The following RLBP1 variants were observed in gnomAD, a reference collection of about 807,000 sequenced individuals.
RLBP1 encodes retinaldehyde binding protein 1.
In RLBP1, 26 loss-of-function variants were observed where a neutral mutation model predicts 36.2. The ratio of observed to expected loss-of-function variants is 0.72; its 90% CI spans 0.53 to 1.00. RLBP1 has a LOEUF of 1.00. RLBP1 is among the 50% of genes least tolerant of loss of function. RLBP1 has a pLI of 0.00. For synonymous variants in RLBP1, 155 were observed against 156.2 expected, an observed-to-expected ratio of 0.99 and a Z score of 0.06; for missense variants, 410 against 402.4, an observed-to-expected ratio of 1.02 and a Z score of -0.16.
chr15:89,217,006 A>G, intron 5 of RLBP1, 114 bp downstream of exon 5: 2 of 1,105,200 alleles, frequency 1.8e-6, no homozygotes, highest in Non-Finnish European at 2.7e-6. Context: ...AGGCTCAGAG[A>G]AACTGACTTG....
At position 89,218,801 on chromosome 15, in the gene RLBP1, G is replaced by C; in HGVS notation, c.13-108C>G. On this transcript the variant is annotated intron_variant, in intron 3 of 8. Transcript: ENST00000268125. The surrounding 1 kb of genome is among the most constrained non-coding windows in gnomAD (Gnocchi z 4.6). ...TTCTTTTGCCCAAGGTCATTGTTAA[G>C]CCTCCTCCTTTTGTGGGGTCAGGAC... The C allele has an allele frequency of 6.4e-7, 1 of 1,573,752 alleles. No homozygotes were observed. Among genetic ancestry groups the C allele is most frequent in the Non-Finnish European group, 8.7e-7 (1 of 1,152,862 alleles).
chr15:89,213,512 A>G (rs2051555064), intron 6 of RLBP1, among the ~76,000 whole-genome samples: 1 of 152,214 alleles, frequency 6.6e-6, no homozygotes, highest in African/African-American at 2.4e-5. Context: ...AAAGAGCCCC[A>G]TTTTTAGCAA....
At chr15:89,221,455 G>C (rs1023927075) in intron 1 of RLBP1, 80 bp downstream of exon 1, 2 of 150,316 alleles carry the variant, frequency 1.3e-5, no homozygotes, top group African/African-American at 5.0e-5. Flanking sequence ...GGCATCTTGG[G>C]ACGTGGTCTC....
rs371425137 is a variant in RLBP1 at position 89,214,939 on chromosome 15, C to T, written c.525+121G>A. On this transcript the variant is annotated intron_variant, in intron 6 of 8. Transcript: ENST00000268125. This position sits in a 1 kb window ranked among gnomAD's most constrained non-coding sequence, Gnocchi z 4.6. ...AAAGGGCTAGGTGGCAGGTGGCTGC[C>T]CACCTTTCCCCCTCTACAGACCTTG... 1.1e-4 allele frequency: 114 copies of T among 1,066,848 alleles called. 1 individual carries two copies. In the African/African-American group the frequency reaches 1.5e-3, roughly 14 times the overall value. 66.1% of individuals were successfully genotyped at this position (1,066,848 alleles called of 1,614,324 possible).
rs1353751732 is a variant in RLBP1, at chr15:89,210,086, T to G, written c.*199A>C. The stretch of plus-strand genomic sequence containing the variant: ...GTGGAAATATAACTATCCCCAGTTC[T>G]TCTTGTTCAAGGGAATTCCCCCTCC... On this transcript the variant is annotated 3_prime_UTR_variant, in exon 9 of 9. Transcript: ENST00000268125. The surrounding 1 kb of genome is among the most constrained non-coding windows in gnomAD (Gnocchi z 4.7). 4 of 619,102 alleles carry G rather than the reference T, an allele frequency of 6.5e-6. No individual in the cohort carries two copies. Among genetic ancestry groups the G allele is most frequent in the African/African-American group, 5.5e-5 (3 of 54,620 alleles). The allele number at this position is 619,102 out of a possible 1,614,324, so 38.4% of individuals were successfully genotyped here. A position where few individuals can be genotyped will look rare whatever the true frequency, so the allele number is the denominator to read the frequency against.
At position 89,217,337 on chromosome 15, in the gene RLBP1, G is replaced by C. The variant is rs777162679; in HGVS notation, c.142-13C>G. ...GCTCATCCTTGGCCTAGAACAGGGT[G>C]GGGTGTGCATGAAGTTAAACTTAGG... On this transcript the variant is annotated splice_polypyrimidine_tract_variant and intron_variant, in intron 4 of 8. Transcript: ENST00000268125. 4 of 1,602,358 alleles carry C rather than the reference G, an allele frequency of 2.5e-6. No homozygotes were observed. Among genetic ancestry groups the C allele is most frequent in the South Asian group, 2.2e-5 (2 of 91,080 alleles).
intron 5 of RLBP1, among the ~76,000 whole-genome samples, chr15:89,215,765 C>T (rs1315340126): frequency 6.6e-6 from 1 of 152,196 alleles, no homozygotes; most frequent in Non-Finnish European, 1.5e-5. Flanking sequence ...GTGGCCTGCA[C>T]CACCAAATTT....
Position 89,217,307 on chromosome 15 carries a change from G to A in RLBP1, c.159C>T (p.Asn53=), listed in dbSNP as rs1173055601. Residue 53 remains asparagine (N), a synonymous_variant, in exon 5 of 9, where the codon AAC becomes AAT. Transcript: ENST00000268125. ...HTLQKAKDEL[N]EREETREEAV... Reference sequence around the variant, plus strand: ...CCTCCTCCCGGGTCTCCTCTCTCTCGTTCAGCTCATCCTTGGCCTAGAACA... The same window carrying A: ...CCTCCTCCCGGGTCTCCTCTCTCTCATTCAGCTCATCCTTGGCCTAGAACA... The A allele has an allele frequency of 1.9e-6, 3 of 1,606,360 alleles. No homozygotes were observed. Among genetic ancestry groups the A allele is most frequent in the Non-Finnish European group, 2.5e-6 (3 of 1,179,986 alleles).
rs1158314872 is a variant in RLBP1 at position 89,219,826 on chromosome 15, G to A, written c.-190C>T. On this transcript the variant is annotated 5_prime_UTR_variant, in exon 2 of 9. Transcript: ENST00000268125. Reference sequence around the variant, plus strand: ...TTCAAGTTCTTCTCTTCCACTTGCAGGCTGTGAGATTTAACCCCAGTCTTG... The same window carrying A: ...TTCAAGTTCTTCTCTTCCACTTGCAAGCTGTGAGATTTAACCCCAGTCTTG... 5 of 152,330 alleles carry A rather than the reference G, an allele frequency of 3.3e-5. No homozygotes were observed. The allele number at this position is 152,330 out of a possible 1,614,324, so 9.4% of individuals were successfully genotyped here.
Position 89,218,796 on chromosome 15 carries a change from G to T in RLBP1, c.13-103C>A. ...TTCAGTTCTTTTGCCCAAGGTCATTGTTAAGCCTCCTCCTTTTGTGGGGTC... is the reference window on the plus strand; with the variant it reads ...TTCAGTTCTTTTGCCCAAGGTCATTTTTAAGCCTCCTCCTTTTGTGGGGTC... On this transcript the variant is annotated intron_variant, in intron 3 of 8. Coordinates refer to ENST00000268125, the MANE Select transcript of RLBP1 (RefSeq NM_000326.5). This position sits in a 1 kb window ranked among gnomAD's most constrained non-coding sequence, Gnocchi z 4.6. 5.1e-6 allele frequency: 8 copies of T among 1,580,788 alleles called. No homozygotes were observed. Among genetic ancestry groups the T allele is most frequent in the Non-Finnish European group, 6.9e-6 (8 of 1,158,506 alleles).
In RLBP1 at chr15:89,210,382, G is replaced by A; in HGVS notation, c.857C>T (p.Pro286Leu). 2 of 1,614,226 alleles carry A rather than the reference G, an allele frequency of 1.2e-6. No homozygotes were observed. Among genetic ancestry groups the A allele is most frequent in the East Asian group, 2.2e-5 (1 of 44,880 alleles). ...GGGCAGCGTGCCCCCGAAGTCAGAG[G>A]GCAGGATGTTCTCATCGATCTCCTG... The part of the protein sequence containing the change: ...FYQEIDENIL[P>L]SDFGGTLPKY... The change falls in exon 9 of 9, where the codon CCC becomes CTC. Residue 286 changes from proline to leucine, a missense_variant. Transcript: ENST00000268125. This position sits in a 1 kb window ranked among gnomAD's most constrained non-coding sequence, Gnocchi z 4.7.
rs143121722 is a variant in RLBP1 at position 89,217,162 on chromosome 15, C to G, written c.304G>C (p.Ala102Pro). 12 of 1,614,086 alleles carry G rather than the reference C, an allele frequency of 7.4e-6. No homozygotes were observed. The highest frequency in any genetic ancestry group is 1.0e-5 in the Non-Finnish European group (12 of 1,180,034). ...DSGFFLRFIRARKFNVGRAYE... is the reference protein window; with the variant it reads ...DSGFFLRFIRPRKFNVGRAYE... Reference sequence around the variant, plus strand: ...GCACGGCCCACGTTGAACTTCCGTGCGCGGATGAAGCGCAGGAAGAAGCCG... The same window carrying G: ...GCACGGCCCACGTTGAACTTCCGTGGGCGGATGAAGCGCAGGAAGAAGCCG... Residue 102 changes from alanine to proline, a missense_variant, in exon 5 of 9, where the codon GCA becomes CCA. Physicochemically the swap from Ala to Pro is conservative, Grantham distance 27. Transcript: ENST00000268125.
chr15:89,217,741 A>G (rs913571819), intron 4 of RLBP1, among the ~76,000 whole-genome samples: 1 of 152,190 alleles, frequency 6.6e-6, no homozygotes, highest in African/African-American at 2.4e-5. Context: ...CCAGAGAGAA[A>G]GGAGTGGAGC....
intron 1 of RLBP1, among the ~76,000 whole-genome samples, chr15:89,220,921 G>A (rs2051621056): frequency 6.6e-6 from 1 of 151,844 alleles, no homozygotes; most frequent in South Asian, 2.1e-4. Flanking sequence ...ATGAAAAAAT[G>A]CCTATCCCTC....
At chr15:89,216,470 G>GCAC (rs2051581384) in intron 5 of RLBP1, among the ~76,000 whole-genome samples, 3 of 152,182 alleles carry the variant, frequency 2.0e-5, no homozygotes, top group Non-Finnish European at 4.4e-5. Context: ...TTACAGGCAT[G>GCAC]CGCCACCACG....
intron 1 of RLBP1, among the ~76,000 whole-genome samples, chr15:89,221,158 C>G (rs1318322461): frequency 6.6e-6 from 1 of 152,072 alleles, no homozygotes; most frequent in Non-Finnish European, 1.5e-5. Flanking sequence ...CAGGTGCCCA[C>G]CAGCACGCCT....
Position 89,217,286 on chromosome 15 carries a change from C to A in RLBP1, c.180G>T (p.Glu60Asp), listed in dbSNP as rs191170653. 9.8e-5 allele frequency: 158 copies of A among 1,608,476 alleles called. No individual in the cohort carries two copies. In the African/African-American group the frequency reaches 2.0e-3, roughly 20 times the overall value. Residue 60 changes from glutamate to aspartate, a missense_variant, in exon 5 of 9, where the codon GAG becomes GAT. Physicochemically the swap from Glu to Asp is conservative, Grantham distance 45 (BLOSUM62 2). Coordinates refer to ENST00000268125, the MANE Select transcript of RLBP1 (RefSeq NM_000326.5). ...DELNEREETR[E>D]EAVRELQEMV... Reference sequence around the variant, plus strand: ...TCTCCTGCAGCTCTCGCACTGCCTCCTCCCGGGTCTCCTCTCTCTCGTTCA... The same window carrying A: ...TCTCCTGCAGCTCTCGCACTGCCTCATCCCGGGTCTCCTCTCTCTCGTTCA...
chr15:89,210,678 C>A lies in RLBP1; in HGVS notation c.795+21G>T. 2 of 1,529,492 alleles carry A rather than the reference C, an allele frequency of 1.3e-6. No individual in the cohort carries two copies. The highest frequency in any genetic ancestry group is 2.4e-5 in the South Asian group (2 of 85,062). 94.7% of individuals were successfully genotyped at this position (1,529,492 alleles called of 1,614,324 possible). A position where few individuals can be genotyped will look rare whatever the true frequency, so the allele number is the denominator to read the frequency against. On this transcript the variant is annotated intron_variant, in intron 8 of 8. Transcript: ENST00000268125. The surrounding 1 kb of genome is among the most constrained non-coding windows in gnomAD (Gnocchi z 4.7). ...ACCCTCAGCCCTCTTGTCTCATTGT[C>A]TGGGCGGCCCACGTACTCACCCTCT... is the stretch of plus-strand genomic sequence containing the variant.
In RLBP1 at chr15:89,210,391, T is replaced by A. The variant is rs1347862167; in HGVS notation, c.848A>T (p.Asn283Ile). Residue 283 changes from asparagine to isoleucine, a missense_variant, in exon 9 of 9, where the codon AAC becomes ATC. By Grantham distance (149) the Asn-to-Ile change is moderately radical. Transcript: ENST00000268125. This position sits in a 1 kb window ranked among gnomAD's most constrained non-coding sequence, Gnocchi z 4.7. The part of the protein sequence containing the change: ...LSGFYQEIDE[N>I]ILPSDFGGTL... ...GCCCCCGAAGTCAGAGGGCAGGATGTTCTCATCGATCTCCTGGTAGAAACC... is the reference window on the plus strand; with the variant it reads ...GCCCCCGAAGTCAGAGGGCAGGATGATCTCATCGATCTCCTGGTAGAAACC... 1.2e-6 allele frequency: 2 copies of A among 1,614,216 alleles called. No individual in the cohort carries two copies. Among genetic ancestry groups the A allele is most frequent in the South Asian group, 2.2e-5 (2 of 91,092 alleles).
Sources: gnomAD v4.1 joint callset for allele counts (sites outside exome capture counted in the v4.1 genomes callset) on GRCh38, gnomAD v4.1.1 for gene constraint, Gnocchi (gnomAD v3.1) non-coding constraint, MANE v1.5 for transcripts, NCBI Gene and HGNC (gene_info 2026-07-23, HGNC 2026-07-21) for gene names.